Variants in CSMD1 observed in about 807,000 individuals in gnomAD.
CSMD1 encodes the protein CUB and Sushi multiple domains 1.
A neutral mutation model predicts 417.5 loss-of-function variants in CSMD1; 213 were observed. That is an observed-to-expected ratio of 0.51 (90% confidence interval 0.46 to 0.57). The LOEUF is 0.57. Ranked by LOEUF, CSMD1 falls within the 20% of genes least tolerant of loss-of-function variation. CSMD1 has a pLI of 0.00. For missense variants in CSMD1, 6,923 were observed against 4,529.7 expected, an observed-to-expected ratio of 1.53 and a Z score of -15.17; for synonymous variants, 2,862 against 1,736.8, an observed-to-expected ratio of 1.65 and a Z score of -16.11.
At chr8:4,077,941 T>C (rs1799920804) in intron 3 of CSMD1, among the ~76,000 whole-genome samples, 1 of 152,106 alleles carries the variant, frequency 6.6e-6, no homozygotes, top group Non-Finnish European at 1.5e-5. Context: ...ATCCTTTACA[T>C]ACCCATACTC....
At chr8:3,272,724 T>C (rs1801960225) in intron 26 of CSMD1, among the ~76,000 whole-genome samples, 1 of 146,020 alleles carries the variant, frequency 6.8e-6, no homozygotes, top group Non-Finnish European at 1.5e-5. Flanking sequence ...CTGATTTGGC[T>C]CTCTGTTTGT....
At chr8:3,503,354 G>A (rs906613654) in intron 10 of CSMD1, among the ~76,000 whole-genome samples, 1 of 152,220 alleles carries the variant, frequency 6.6e-6, no homozygotes, top group Non-Finnish European at 1.5e-5. Flanking sequence ...TATTTCAAAT[G>A]TAACTATATG....
chr8:3,776,427 CTTCTCTAATCTCCTGTCT>C (rs1798888799), intron 5 of CSMD1, among the ~76,000 whole-genome samples: 1 of 152,178 alleles, frequency 6.6e-6, no homozygotes, highest in African/African-American at 2.4e-5. Context: ...CACTCCTGTC[CTTCTCTAATCTCCTGTCT>C]GGCCACATTC....
intron 1 of CSMD1, among the ~76,000 whole-genome samples, chr8:4,775,940 G>A (rs1010443330): frequency 6.6e-6 from 1 of 152,184 alleles, no homozygotes; most frequent in Non-Finnish European, 1.5e-5. Flanking sequence ...AATTAGTCAA[G>A]GCAGTTGGAG....
At chr8:4,616,847 T>C (rs1801500129) in intron 2 of CSMD1, among the ~76,000 whole-genome samples, 1 of 152,194 alleles carries the variant, frequency 6.6e-6, no homozygotes, top group Non-Finnish European at 1.5e-5. Flanking sequence ...GGCTTATTCA[T>C]TGGTTTTTGC....
intron 39 of CSMD1, among the ~76,000 whole-genome samples, chr8:3,152,417 A>C (rs1038344131): frequency 6.6e-6 from 1 of 152,228 alleles, no homozygotes; most frequent in African/African-American, 2.4e-5. Flanking sequence ...AAATGGCTTT[A>C]TTCTAACAAT....
chr8:4,044,826 G>A (rs531093733), intron 3 of CSMD1, among the ~76,000 whole-genome samples: 100 of 152,228 alleles, frequency 6.6e-4, no homozygotes, highest in Non-Finnish European at 1.2e-3. Context: ...TCCTCGATGA[G>A]TAGCACCCCA....
intron 5 of CSMD1, among the ~76,000 whole-genome samples, chr8:3,882,059 CAT>C (rs1806241094): frequency 6.6e-6 from 1 of 151,956 alleles, no homozygotes; most frequent in Non-Finnish European, 1.5e-5. Context: ...AAAGAAAAAA[CAT>C]ATCAATAGTC....
At chr8:4,096,741 T>C (rs7839451) in intron 3 of CSMD1, among the ~76,000 whole-genome samples, 34,035 of 152,128 alleles carry the variant, frequency 0.22, 4,725 homozygotes, top group African/African-American at 0.39. Flanking sequence ...ATAAAAAGAA[T>C]ATTGTATGAG....
At chr8:3,045,836 C>A (rs1225902044) in intron 50 of CSMD1, among the ~76,000 whole-genome samples, 1 of 152,106 alleles carries the variant, frequency 6.6e-6, no homozygotes, top group Non-Finnish European at 1.5e-5. Context: ...TTCCTCTATA[C>A]AATATGGTGA....
chr8:4,578,835 C>G (rs554045074), intron 2 of CSMD1, among the ~76,000 whole-genome samples: 8 of 146,574 alleles, frequency 5.5e-5, no homozygotes, highest in Admixed American at 2.7e-4. Flanking sequence ...AAAAACAAAC[C>G]TATCTTTACA....
chr8:3,684,071 C>A (rs1245580690), intron 7 of CSMD1, among the ~76,000 whole-genome samples: 2 of 147,270 alleles, frequency 1.4e-5, no homozygotes, highest in Non-Finnish European at 1.5e-5. Context: ...TTACTCTAAA[C>A]ATGAAAAAAG....
In CSMD1 at chr8:3,525,780, T is replaced by C. The variant is rs555112410; in HGVS notation, c.1345-32054A>G. 2.0e-5 allele frequency among the ~76,000 whole-genome samples: 3 copies of C among 152,296 alleles called. No homozygotes were observed. In the East Asian group the frequency reaches 5.8e-4, roughly 29 times the overall value. On this transcript the variant is annotated intron_variant, in intron 10 of 69. Coordinates refer to ENST00000635120, the MANE Select transcript of CSMD1 (RefSeq NM_033225.6). ...AATGGGAACATCACGTTGTAAGAAT[T>C]TCTAATAGAAACTTGGTTGCTTACC... is the stretch of plus-strand genomic sequence containing the variant.
intron 4 of CSMD1, among the ~76,000 whole-genome samples, chr8:4,009,161 T>C (rs1022099678): frequency 7.2e-5 from 11 of 152,350 alleles, no homozygotes; most frequent in African/African-American, 2.2e-4. Flanking sequence ...TAAGGAAAGA[T>C]GCATTTGAAT....
At chr8:4,080,852 G>A (rs775049199) in intron 3 of CSMD1, among the ~76,000 whole-genome samples, 1 of 152,162 alleles carries the variant, frequency 6.6e-6, no homozygotes, top group Non-Finnish European at 1.5e-5. Context: ...TGGATTTCAT[G>A]TTTGTTTACT....
At chr8:3,903,015 A>G (rs2975335) in intron 5 of CSMD1, among the ~76,000 whole-genome samples, 1 of 152,056 alleles carries the variant, frequency 6.6e-6, no homozygotes, top group Non-Finnish European at 1.5e-5. Flanking sequence ...CGATGAATGC[A>G]CGTTTCTGTG....
chr8:4,901,362 C>G (rs569203201), intron 1 of CSMD1, among the ~76,000 whole-genome samples: 1 of 152,270 alleles, frequency 6.6e-6, no homozygotes, highest in Middle Eastern at 3.4e-3. Flanking sequence ...GTGTAGTTAT[C>G]TATAGAAGAC....
rs187053399 is a variant in CSMD1 at position 3,384,732 on chromosome 8, T to A, written c.2782+2762A>T. ...TAAATATATTTATAATATTTATATA[T>A]ATTATATAAATATATATTTATATAA... On this transcript the variant is annotated intron_variant, in intron 18 of 69. Transcript: ENST00000635120. Among the ~76,000 whole-genome samples the A allele has an allele frequency of 3.3e-3, 410 of 124,500 alleles. 2 individuals are homozygous for A. The highest frequency in any genetic ancestry group is 0.011 in the African/African-American group (365 of 32,546). 81.7% of individuals were successfully genotyped at this position (124,500 alleles called of 152,430 possible).
chr8:4,109,389 A>T (rs1469161950), intron 3 of CSMD1, among the ~76,000 whole-genome samples: 1 of 152,140 alleles, frequency 6.6e-6, no homozygotes, highest in Non-Finnish European at 1.5e-5. Context: ...TAATATAGTG[A>T]CCTAGCAAAA....
Sources: allele counts gnomAD v4.1 joint callset (sites outside exome capture counted in the v4.1 genomes callset), GRCh38; gene constraint gnomAD v4.1.1; transcripts MANE v1.5; gene names NCBI Gene and HGNC (gene_info 2026-07-23, HGNC 2026-07-21).